The following MUSK variants were observed in gnomAD, a reference collection of about 807,000 sequenced individuals.
MUSK encodes muscle, skeletal receptor tyrosine-protein kinase.
Under a neutral mutation model 88.7 loss-of-function variants are expected in MUSK, and 55 were observed. The ratio of observed to expected loss-of-function variants is 0.62; its 90% CI spans 0.50 to 0.78. The LOEUF (loss-of-function observed/expected upper bound fraction) is 0.78. Among genes scored for constraint, MUSK ranks in the 30% least tolerant of loss-of-function variants. The pLI is 0.00. For missense variants in MUSK, 1,015 were observed against 1,074.3 expected (o/e 0.94, Z 0.77); for synonymous variants, 387 against 391.9 (o/e 0.99, Z 0.15).
At chr9:110,742,492 A>G (rs1356852924) in intron 6 of MUSK, among the ~76,000 whole-genome samples, 1 of 152,158 alleles carries the variant, frequency 6.6e-6, no homozygotes, top group Non-Finnish European at 1.5e-5. Context: ...GACTGACAAT[A>G]TAACTTCACT....
chr9:110,769,228 A>G (rs1178411185), intron 9 of MUSK, among the ~76,000 whole-genome samples: 2 of 152,224 alleles, frequency 1.3e-5, no homozygotes, highest in Non-Finnish European at 2.9e-5. Flanking sequence ...ACCAGAAACT[A>G]TTTAAATATT....
At chr9:110,689,309 TTAAATATATATTAAATATATATTTAAATA>T (rs2076250825) in intron 3 of MUSK, among the ~76,000 whole-genome samples, 1 of 116,556 alleles carries the variant, frequency 8.6e-6, no homozygotes, top group Non-Finnish European at 1.6e-5. Flanking sequence ...ATATTTATAT[TTAAATATATATTAAATATATATTTAAATA>T]TAAATATATA....
At chr9:110,711,691 C>T (rs1389933522) in intron 5 of MUSK, among the ~76,000 whole-genome samples, 4 of 152,264 alleles carry the variant, frequency 2.6e-5, no homozygotes, top group South Asian at 4.1e-4. Flanking sequence ...ATATGGTTAA[C>T]GTTCTTGATG....
At position 110,800,588 on chromosome 9, in the gene MUSK, T is replaced by C. The variant is rs912875736; in HGVS notation, c.2210T>C (p.Met737Thr). Residue 737 changes from methionine (M) to threonine (T), a missense_variant, in exon 15 of 15, where the codon ATG becomes ACG. Coordinates refer to ENST00000374448, the MANE Select transcript of MUSK (RefSeq NM_005592.4). ...AGGAACTGCCTGGTGGGCGAGAACA[T>C]GGTGGTGAAAATTGCCGACTTTGGC... Reference protein sequence around the residue: ...ATRNCLVGENMVVKIADFGLS... With the variant: ...ATRNCLVGENTVVKIADFGLS... The C allele has an allele frequency of 1.2e-6, 2 of 1,612,466 alleles. No homozygotes were observed. The highest frequency in any genetic ancestry group is 1.1e-5 in the South Asian group (1 of 91,002).
At chr9:110,679,722 T>A (rs929672941) in intron 1 of MUSK, among the ~76,000 whole-genome samples, 1 of 152,088 alleles carries the variant, frequency 6.6e-6, no homozygotes, top group Non-Finnish European at 1.5e-5. Context: ...TGAATTTTAT[T>A]TATTTTTTAG....
At chr9:110,787,223 G>A (rs1426966105) in intron 13 of MUSK, among the ~76,000 whole-genome samples, 1 of 151,928 alleles carries the variant, frequency 6.6e-6, no homozygotes, top group Non-Finnish European at 1.5e-5. Context: ...TTAGCCAGGT[G>A]TGGTGGCGGG....
chr9:110,689,916 C>T (rs954756977), intron 3 of MUSK, among the ~76,000 whole-genome samples: 5 of 78,960 alleles, frequency 6.3e-5, no homozygotes, highest in Admixed American at 2.1e-4. Flanking sequence ...CATAAAAATA[C>T]ATATTTAAAT....
In MUSK at chr9:110,770,221, T is replaced by G. The variant is rs544509855; in HGVS notation, c.1184+2138T>G. On this transcript the variant is annotated intron_variant, in intron 9 of 14. Transcript: ENST00000374448. ...TTGTTTACTCATTATATAATTATTT[T>G]TATTACATGTTGACATTGGCAAAAT... 3.3e-3 allele frequency among the ~76,000 whole-genome samples: 493 copies of G among 149,692 alleles called. 3 individuals are homozygous for G. The highest frequency in any genetic ancestry group is 0.011 in the African/African-American group (473 of 41,178).
rs1178512383 is a variant in MUSK, at chr9:110,805,377, T to G, written c.*4389T>G. Among the ~76,000 whole-genome samples, 1 of 151,964 alleles carries G rather than the reference T, an allele frequency of 6.6e-6. No homozygotes were observed. Among genetic ancestry groups the G allele is most frequent in the Non-Finnish European group, 1.5e-5 (1 of 67,818 alleles). On this transcript the variant is annotated 3_prime_UTR_variant, in exon 15 of 15. Coordinates refer to ENST00000374448, the MANE Select transcript of MUSK (RefSeq NM_005592.4). Reference sequence around the variant, plus strand: ...AGCATTTTAATCATTGCCAATATAATAGCTAATAGCTTAAAGTTATTTCAT... The same window carrying G: ...AGCATTTTAATCATTGCCAATATAAGAGCTAATAGCTTAAAGTTATTTCAT...
At chr9:110,710,539 C>T (rs1247256817) in intron 5 of MUSK, among the ~76,000 whole-genome samples, 1 of 152,120 alleles carries the variant, frequency 6.6e-6, no homozygotes, top group East Asian at 1.9e-4. Flanking sequence ...AACTGCTCAT[C>T]TGGTCTCCAA....
intron 3 of MUSK, among the ~76,000 whole-genome samples, chr9:110,689,534 A>AGTT (rs1554735085): frequency 2.0e-5 from 2 of 102,206 alleles, no homozygotes; most frequent in Non-Finnish European, 3.4e-5. Flanking sequence ...ACTATATATA[A>AGTT]ATATATAGTT....
At chr9:110,762,400 T>C (rs1467187563) in intron 8 of MUSK, among the ~76,000 whole-genome samples, 192 bp downstream of exon 8, 2 of 152,124 alleles carry the variant, frequency 1.3e-5, no homozygotes, top group Non-Finnish European at 1.5e-5. Context: ...TTTTAGAAAC[T>C]TTCTAATTTC....
At chr9:110,744,095 G>A (rs906837954) in intron 6 of MUSK, among the ~76,000 whole-genome samples, 1 of 152,210 alleles carries the variant, frequency 6.6e-6, no homozygotes, top group African/African-American at 2.4e-5. Context: ...AGCCTCTGGA[G>A]TAGCTGGGAC....
intron 5 of MUSK, among the ~76,000 whole-genome samples, chr9:110,728,452 C>T (rs545841895): frequency 6.6e-6 from 1 of 152,192 alleles, no homozygotes; most frequent in South Asian, 2.1e-4. Context: ...CTGTATAATA[C>T]TGCCTGGCTA....
intron 3 of MUSK, among the ~76,000 whole-genome samples, chr9:110,689,492 AAAAAAT>A (rs1564217206): frequency 2.9e-5 from 3 of 104,490 alleles, no homozygotes; most frequent in African/African-American, 4.6e-5. Flanking sequence ...AAAAATATGT[AAAAAAT>A]ACATATTTAT....
intron 6 of MUSK, among the ~76,000 whole-genome samples, chr9:110,736,872 A>C (rs1297621336): frequency 6.6e-6 from 1 of 152,088 alleles, no homozygotes; most frequent in Admixed American, 6.6e-5. Flanking sequence ...CTCCTTGGGC[A>C]TCCCAGATAA....
At chr9:110,780,427 A>G (rs2077732659) in intron 11 of MUSK, among the ~76,000 whole-genome samples, 1 of 152,152 alleles carries the variant, frequency 6.6e-6, no homozygotes, top group Non-Finnish European at 1.5e-5. Flanking sequence ...AGTCTTACCT[A>G]GCGAATTAGC....
At chr9:110,742,692 A>T (rs1206349956) in intron 6 of MUSK, among the ~76,000 whole-genome samples, 1 of 152,234 alleles carries the variant, frequency 6.6e-6, no homozygotes, top group East Asian at 1.9e-4. Flanking sequence ...CAACTTATTC[A>T]TTCAACATGT....
intron 1 of MUSK, among the ~76,000 whole-genome samples, chr9:110,681,124 T>A (rs1205294755): frequency 1.4e-5 from 1 of 72,078 alleles, no homozygotes; most frequent in Admixed American, 2.4e-4. Context: ...ATAATATATA[T>A]TATATATATT....
Sources: allele counts gnomAD v4.1 joint callset (sites outside exome capture counted in the v4.1 genomes callset), GRCh38; gene constraint gnomAD v4.1.1; transcripts MANE v1.5; gene names NCBI Gene and HGNC (gene_info 2026-07-23, HGNC 2026-07-21).